PTPRD: variants seen among roughly 807,000 people sequenced by gnomAD.
The protein encoded by PTPRD is receptor-type tyrosine-protein phosphatase delta.
A neutral mutation model predicts 214.5 loss-of-function variants in PTPRD; 34 were observed. The observed-to-expected ratio is 0.16, with a 90% confidence interval of 0.12 to 0.21. The LOEUF is 0.21. PTPRD is among the 10% of genes least tolerant of loss of function. PTPRD has a pLI of 1.00. For synonymous variants in PTPRD, 1,128 were observed against 845.7 expected (o/e 1.33, Z -5.79); for missense variants, 2,545 against 2,398.7 (o/e 1.06, Z -1.27).
At chr9:9,874,869 T>G (rs763047789) in intron 5 of PTPRD, among the ~76,000 whole-genome samples, 5 of 152,164 alleles carry the variant, frequency 3.3e-5, no homozygotes, top group Non-Finnish European at 7.3e-5. Context: ...TATCCTGTGG[T>G]GCAGTCTGTA....
chr9:9,686,310 T>C (rs1441815568), intron 7 of PTPRD, among the ~76,000 whole-genome samples: 1 of 151,458 alleles, frequency 6.6e-6, no homozygotes, highest in Non-Finnish European at 1.5e-5. Flanking sequence ...TTTCTAAAAA[T>C]TCTATATTTA....
intron 2 of PTPRD, among the ~76,000 whole-genome samples, chr9:10,430,129 C>T (rs933431708): frequency 6.6e-6 from 1 of 151,864 alleles, no homozygotes; most frequent in Non-Finnish European, 1.5e-5. Context: ...TCATGTATTT[C>T]CCTCCATAAG....
chr9:9,105,901 A>G (rs2099797792), intron 10 of PTPRD, among the ~76,000 whole-genome samples: 1 of 152,194 alleles, frequency 6.6e-6, no homozygotes, highest in Non-Finnish European at 1.5e-5. Flanking sequence ...GACTCCACCC[A>G]GTGCTCTTTT....
intron 3 of PTPRD, among the ~76,000 whole-genome samples, chr9:10,132,661 A>G (rs1177062855): frequency 6.6e-6 from 1 of 152,216 alleles, no homozygotes; most frequent in Non-Finnish European, 1.5e-5. Flanking sequence ...GACTCCAGAA[A>G]AAAGTAGAGA....
intron 2 of PTPRD, among the ~76,000 whole-genome samples, chr9:10,486,243 T>C (rs2099132230): frequency 6.6e-6 from 1 of 152,220 alleles, no homozygotes; most frequent in African/African-American, 2.4e-5. Flanking sequence ...GATTTTGTCA[T>C]GAAGTCTTTG....
chr9:8,387,615 A>G (rs988099260), intron 37 of PTPRD, among the ~76,000 whole-genome samples: 10 of 152,174 alleles, frequency 6.6e-5, no homozygotes, highest in Non-Finnish European at 1.3e-4. Context: ...AGAAGTGTCA[A>G]CAGGCAGTAT....
At chr9:8,383,819 A>G (rs2135383375) in intron 37 of PTPRD, among the ~76,000 whole-genome samples, 1 of 152,302 alleles carries the variant, frequency 6.6e-6, no homozygotes, top group South Asian at 2.1e-4. Flanking sequence ...CAAGATAAAC[A>G]TTGAGTCTCT....
intron 2 of PTPRD, among the ~76,000 whole-genome samples, chr9:10,491,719 T>C (rs1325873857): frequency 2.0e-5 from 3 of 152,108 alleles, no homozygotes; most frequent in Non-Finnish European, 4.4e-5. Flanking sequence ...TTCTTTCTTT[T>C]TTTTTTTATT....
intron 11 of PTPRD, among the ~76,000 whole-genome samples, chr9:8,804,862 T>C (rs1476935019): frequency 6.6e-6 from 1 of 152,164 alleles, no homozygotes; most frequent in Non-Finnish European, 1.5e-5. Flanking sequence ...AAAAATAGCT[T>C]GTGTTGACTA....
chr9:9,622,726 A>G (rs956761931), intron 7 of PTPRD, among the ~76,000 whole-genome samples: 5 of 152,244 alleles, frequency 3.3e-5, no homozygotes, highest in African/African-American at 1.2e-4. Flanking sequence ...TATTAAGGCA[A>G]GGAGCATTTT....
At chr9:8,587,462 C>T (rs1291552022) in intron 14 of PTPRD, among the ~76,000 whole-genome samples, 2 of 152,188 alleles carry the variant, frequency 1.3e-5, no homozygotes, top group African/African-American at 4.8e-5. Flanking sequence ...ATATTGGCTT[C>T]TGCCACCGTT....
At chr9:9,326,462 A>G (rs2039939992) in intron 9 of PTPRD, among the ~76,000 whole-genome samples, 1 of 152,132 alleles carries the variant, frequency 6.6e-6, no homozygotes, top group African/African-American at 2.4e-5. Context: ...GAAAACAGAG[A>G]TTCAGAGACA....
chr9:9,660,857 A>G lies in PTPRD; in HGVS notation c.-287+73676T>C, dbSNP rs140822022. Reference sequence around the variant, plus strand: ...CTCCTTCTCATTATTATAAACTCAGAGCCTGAATCACTGGAAAGCTACGCT... The same window carrying G: ...CTCCTTCTCATTATTATAAACTCAGGGCCTGAATCACTGGAAAGCTACGCT... On this transcript the variant is annotated intron_variant, in intron 7 of 45. Transcript: ENST00000381196. 6.1e-3 allele frequency among the ~76,000 whole-genome samples: 930 copies of G among 152,110 alleles called. 3 individuals carry two copies. The highest frequency in any genetic ancestry group is 0.01 in the Non-Finnish European group (709 of 67,902).
chr9:9,635,336 G>A (rs887427336), intron 7 of PTPRD, among the ~76,000 whole-genome samples: 6 of 152,182 alleles, frequency 3.9e-5, no homozygotes, highest in African/African-American at 1.2e-4. Flanking sequence ...AATCCCGTAT[G>A]TCCAACTTAG....
intron 3 of PTPRD, among the ~76,000 whole-genome samples, chr9:10,075,905 T>C (rs570105785): frequency 6.6e-6 from 1 of 152,184 alleles, no homozygotes; most frequent in Non-Finnish European, 1.5e-5. Context: ...TATTTTCTTC[T>C]ACATAAATGC....
At chr9:9,722,826 C>G (rs1014497743) in intron 7 of PTPRD, among the ~76,000 whole-genome samples, 1 of 151,982 alleles carries the variant, frequency 6.6e-6, no homozygotes, top group Admixed American at 6.6e-5. Context: ...TTTTCATATG[C>G]TTTTGACCAT....
At position 9,955,486 on chromosome 9, in the gene PTPRD, G is replaced by A. The variant is rs12686276; in HGVS notation, c.-471-16876C>T. Among the ~76,000 whole-genome samples, 139 of 151,406 alleles carry A rather than the reference G, an allele frequency of 9.2e-4. 5 individuals carry two copies. The East Asian group carries it at 0.018, about 20-fold the overall frequency. ...TACATTGGCCACAACATTGAACTCT[G>A]GATATTTGGGTTTTCGTTTTTTTTG... On this transcript the variant is annotated intron_variant, in intron 4 of 45. Coordinates refer to ENST00000381196, the MANE Select transcript of PTPRD (RefSeq NM_002839.4).
At chr9:9,288,611 T>C (rs1020084198) in intron 9 of PTPRD, among the ~76,000 whole-genome samples, 6 of 151,932 alleles carry the variant, frequency 3.9e-5, no homozygotes, top group Non-Finnish European at 1.5e-5. Flanking sequence ...GGTATCTGTA[T>C]TACAAAAAGC....
chr9:8,782,408 C>G (rs563785020), intron 11 of PTPRD, among the ~76,000 whole-genome samples: 1 of 152,072 alleles, frequency 6.6e-6, no homozygotes, highest in Non-Finnish European at 1.5e-5. Flanking sequence ...TTGTTATTAA[C>G]TGTGTCACCA....
Sources: allele counts gnomAD v4.1 joint callset (sites outside exome capture counted in the v4.1 genomes callset), GRCh38; gene constraint gnomAD v4.1.1; transcripts MANE v1.5; gene names NCBI Gene and HGNC (gene_info 2026-07-23, HGNC 2026-07-21).